The following SLC17A2 variants were observed in gnomAD, a reference collection of about 807,000 sequenced individuals.
The protein encoded by SLC17A2 is sodium-dependent phosphate transport protein 3.
SLC17A2 carries 38 observed loss-of-function variants against 52.1 expected under a neutral mutation model. The observed-to-expected ratio is 0.73, with a 90% CI of 0.56 to 0.96. The LOEUF (loss-of-function observed/expected upper bound fraction) is 0.96, where lower values mean the gene tolerates loss of function less well. Among genes scored for constraint, SLC17A2 ranks in the 40% least tolerant of loss-of-function variants. The probability of loss-of-function intolerance (pLI) is 0.00; values close to 1 mark genes in which losing one functional copy is unlikely to be tolerated. For synonymous variants in SLC17A2, 226 were observed against 211.9 expected (o/e 1.07, Z -0.58); for missense variants, 508 against 583.9 (o/e 0.87, Z 1.34).
intron 9 of SLC17A2, 21 bp downstream of exon 9, chr6:25,915,715 G>C (rs372338826): frequency 1.2e-6 from 2 of 1,613,366 alleles, no homozygotes; most frequent in Non-Finnish European, 1.7e-6. Context: ...TGGTTAAATG[G>C]GCCCACACGC....
intron 2 of SLC17A2, among the ~76,000 whole-genome samples, chr6:25,924,808 C>CAA (rs33975030): frequency 1.5e-5 from 2 of 135,076 alleles, no homozygotes; most frequent in African/African-American, 2.7e-5. Flanking sequence ...GACTCAATCT[C>CAA]AAAAAAAAAA....
chr6:25,920,983 A>G (rs755402832), intron 5 of SLC17A2, 23 bp downstream of exon 5: 9 of 1,601,352 alleles, frequency 5.6e-6, no homozygotes, highest in Admixed American at 5.0e-5. Flanking sequence ...TGACAAAGCT[A>G]TGACCCATCT....
chr6:25,918,896 C>T (rs530813495), intron 5 of SLC17A2, among the ~76,000 whole-genome samples: 2 of 152,276 alleles, frequency 1.3e-5, no homozygotes, highest in African/African-American at 4.8e-5. Context: ...TGCATTCTTG[C>T]ATGATCTAAT....
chr6:25,928,233 C>G (rs1581577731), intron 1 of SLC17A2, among the ~76,000 whole-genome samples: 1 of 152,046 alleles, frequency 6.6e-6, no homozygotes, highest in Non-Finnish European at 1.5e-5. Flanking sequence ...TACAACTTCC[C>G]CTTTGTTTTC....
rs766513925 is a variant in SLC17A2, at chr6:25,921,230, G to A, written c.423C>T (p.Asp141=). 6.2e-7 allele frequency: 1 copy of A among 1,614,192 alleles called. No homozygotes were observed. Among genetic ancestry groups the A allele is most frequent in the South Asian group, 1.1e-5 (1 of 91,082 alleles). Residue 141 remains aspartate, a synonymous_variant, in exon 4 of 12, where the codon GAC becomes GAT. Coordinates refer to ENST00000377850, the MANE Select transcript of SLC17A2 (RefSeq NM_001286123.3). ...CCATGATGACCAAAATCACTCCGAA[G>A]TCAGCAGCCAGTGGTGTAAAGAGGG... ...LLTLFTPLAA[D]FGVILVIMVR...
chr6:25,923,652 G>C (rs773046272), intron 3 of SLC17A2, 43 bp downstream of exon 3: 6 of 1,497,926 alleles, frequency 4.0e-6, no homozygotes, highest in Non-Finnish European at 5.6e-6. Flanking sequence ...TCCTTTCAAA[G>C]TTTTTTCTCT....
At chr6:25,913,512 T>A in intron 11 of SLC17A2, 61 bp from the exon 12 acceptor site, 1 of 1,518,366 alleles carries the variant, frequency 6.6e-7, no homozygotes, top group Non-Finnish European at 9.1e-7. Context: ...CCAGTTCTAG[T>A]AGCCCTCCCA....
chr6:25,918,859 C>T (rs371795189), intron 5 of SLC17A2, among the ~76,000 whole-genome samples: 9 of 152,186 alleles, frequency 5.9e-5, no homozygotes, highest in African/African-American at 2.2e-4. Flanking sequence ...CTATCACAGC[C>T]CATTAGCATT....
At chr6:25,914,940 G>A (rs1477659503) in intron 10 of SLC17A2, among the ~76,000 whole-genome samples, 1 of 151,472 alleles carries the variant, frequency 6.6e-6, no homozygotes, top group Admixed American at 6.6e-5. Context: ...TTGTGCAACG[G>A]GCAGGACACA....
Position 25,912,909 on chromosome 6 carries a change from G to T in SLC17A2, c.*408C>A. The T allele has an allele frequency of 6.1e-6, 1 of 162,684 alleles. No homozygotes were observed. The highest frequency in any genetic ancestry group is 1.6e-4 in the East Asian group (1 of 6,094). 10.1% of individuals were successfully genotyped at this position (162,684 alleles called of 1,614,324 possible). ...ATCTGTAACATATGGCTACAATTCC[G>T]AGCAGATCTTCTCTGCATCCAATAA... On this transcript the variant is annotated 3_prime_UTR_variant, in exon 12 of 12. Transcript: ENST00000377850.
Position 25,918,545 on chromosome 6 carries a change from G to T in SLC17A2, c.591C>A (p.Leu197=). 6.2e-7 allele frequency: 1 copy of T among 1,613,450 alleles called. No individual in the cohort carries two copies. Among genetic ancestry groups the T allele is most frequent in the African/African-American group, 1.3e-5 (1 of 75,008 alleles). The change falls in exon 6 of 12, where the codon CTC becomes CTA. Residue 197 remains leucine (L), a synonymous_variant. Coordinates refer to ENST00000377850, the MANE Select transcript of SLC17A2 (RefSeq NM_001286123.3). The part of the protein sequence containing the change: ...SGSAFGSFII[L]CVGGLISQAL... ...CCTGTGAGATTAGTCCCCCCACACA[G>T]AGGATGATGAAGGATCCAAATGCTG...
At chr6:25,928,400 A>T (rs1766837457) in intron 1 of SLC17A2, among the ~76,000 whole-genome samples, 1 of 152,138 alleles carries the variant, frequency 6.6e-6, no homozygotes, top group Non-Finnish European at 1.5e-5. Flanking sequence ...TGAATATTAA[A>T]CATAAACACA....
Position 25,920,957 on chromosome 6 carries a change from A to T in SLC17A2, c.562+49T>A, listed in dbSNP as rs1416416856. The T allele has an allele frequency of 9.9e-6, 15 of 1,513,336 alleles. No individual in the cohort carries two copies. In the Middle Eastern group the frequency reaches 5.1e-4, roughly 51 times the overall value. 93.7% of individuals were successfully genotyped at this position (1,513,336 alleles called of 1,614,324 possible). On this transcript the variant is annotated intron_variant, in intron 5 of 11. Transcript: ENST00000377850. ...ATTTGATTCATAGAAGATAAGACAC[A>T]GTGGGATGGAACAGATGACAAAGCT...
chr6:25,918,712 A>T, intron 5 of SLC17A2, 139 bp from the exon 6 acceptor site: 1 of 608,242 alleles, frequency 1.6e-6, no homozygotes, highest in East Asian at 2.8e-5. Context: ...AAAATAGCTC[A>T]CAGATTTTCC....
rs541929217 is a variant in SLC17A2 at position 25,920,069 on chromosome 6, T to C, written c.562+937A>G. ...TTTATTTTAGCAAGCTAACTTGGTTTTGGTGGGAAGAAGGTTGAAAGAAAC... is the reference window on the plus strand; with the variant it reads ...TTTATTTTAGCAAGCTAACTTGGTTCTGGTGGGAAGAAGGTTGAAAGAAAC... On this transcript the variant is annotated intron_variant, in intron 5 of 11. Coordinates refer to ENST00000377850, the MANE Select transcript of SLC17A2 (RefSeq NM_001286123.3). Among the ~76,000 whole-genome samples the C allele has an allele frequency of 5.7e-4, 87 of 152,272 alleles. 1 individual carries two copies. The highest frequency in any genetic ancestry group is 8.5e-4 in the Admixed American group (13 of 15,298).
intron 1 of SLC17A2, among the ~76,000 whole-genome samples, chr6:25,928,274 A>G (rs1374969384): frequency 3.9e-5 from 6 of 152,058 alleles, no homozygotes; most frequent in Admixed American, 2.0e-4. Flanking sequence ...TTAAAACTCA[A>G]TGGGGTAGCT....
chr6:25,920,770 G>A (rs1187400782), intron 5 of SLC17A2, among the ~76,000 whole-genome samples: 2 of 152,160 alleles, frequency 1.3e-5, no homozygotes, highest in African/African-American at 2.4e-5. Context: ...AGGCTTTTCT[G>A]ACTACTAAGG....
chr6:25,913,613 G>A (rs1422707408), intron 11 of SLC17A2, among the ~76,000 whole-genome samples, 162 bp from the exon 12 acceptor site: 2 of 152,110 alleles, frequency 1.3e-5, no homozygotes, highest in East Asian at 3.8e-4. Context: ...GAAACAAAAT[G>A]GCCAAAATGC....
chr6:25,918,905 A>T (rs1766431060), intron 5 of SLC17A2, among the ~76,000 whole-genome samples: 1 of 152,204 alleles, frequency 6.6e-6, no homozygotes, highest in Non-Finnish European at 1.5e-5. Flanking sequence ...GCATGATCTA[A>T]TATGAGGCTA....
Sources: gnomAD v4.1 joint callset for allele counts (sites outside exome capture counted in the v4.1 genomes callset) on GRCh38, gnomAD v4.1.1 for gene constraint, MANE v1.5 for transcripts, NCBI Gene and HGNC (gene_info 2026-07-23, HGNC 2026-07-21) for gene names.